Variants in L3MBTL4 observed in about 807,000 individuals in gnomAD.
L3MBTL4 encodes lethal(3)malignant brain tumor-like protein 4.
L3MBTL4 carries 70 observed loss-of-function variants against 84.5 expected under a neutral mutation model. The observed-to-expected ratio is 0.83, with a 90% CI of 0.68 to 1.01. The LOEUF is 1.01. L3MBTL4 is among the 50% of genes least tolerant of loss of function. The pLI is 0.00. For missense variants in L3MBTL4, 715 were observed against 754.8 expected (o/e 0.95, Z 0.62); for synonymous variants, 274 against 259.8 (o/e 1.05, Z -0.52).
chr18:5,971,223 G>A (rs1275682038), intron 16 of L3MBTL4, among the ~76,000 whole-genome samples: 1 of 152,162 alleles, frequency 6.6e-6, no homozygotes, highest in Non-Finnish European at 1.5e-5. Context: ...GCTGGACAAG[G>A]GGCATGTACA....
At chr18:6,301,860 T>C (rs2050353132) in intron 4 of L3MBTL4, 43 bp downstream of exon 4, 1 of 1,421,802 alleles carries the variant, frequency 7.0e-7, no homozygotes. Context: ...CACTTAAAAT[T>C]TGTTCACTGT....
chr18:6,192,714 C>A (rs140041005), intron 12 of L3MBTL4, among the ~76,000 whole-genome samples: 1 of 152,090 alleles, frequency 6.6e-6, no homozygotes. Context: ...GGTAACACTA[C>A]GTTTTGCAGT....
At chr18:6,081,889 T>A (rs2058089188) in intron 15 of L3MBTL4, among the ~76,000 whole-genome samples, 1 of 152,226 alleles carries the variant, frequency 6.6e-6, no homozygotes, top group African/African-American at 2.4e-5. Flanking sequence ...TCATCAAGAC[T>A]TTTTATCAAA....
intron 1 of L3MBTL4, among the ~76,000 whole-genome samples, chr18:6,384,219 AT>A (rs1262122712): frequency 6.6e-6 from 1 of 152,082 alleles, no homozygotes; most frequent in East Asian, 1.9e-4. Flanking sequence ...CCTCATCAAA[AT>A]TCTCTTCTTG....
At chr18:6,078,498 G>T (rs1225468547) in intron 16 of L3MBTL4, among the ~76,000 whole-genome samples, 1 of 147,038 alleles carries the variant, frequency 6.8e-6, no homozygotes, top group South Asian at 2.2e-4. Flanking sequence ...ATTATGATCA[G>T]ATTTGCAGGC....
intron 1 of L3MBTL4, among the ~76,000 whole-genome samples, chr18:6,364,593 C>A (rs1374233226): frequency 2.6e-5 from 4 of 152,022 alleles, no homozygotes; most frequent in African/African-American, 9.7e-5. Context: ...CACATTTTTT[C>A]ATCATTAAAT....
At chr18:5,982,248 T>G (rs2053265928) in intron 16 of L3MBTL4, among the ~76,000 whole-genome samples, 1 of 152,126 alleles carries the variant, frequency 6.6e-6, no homozygotes, top group South Asian at 2.1e-4. Flanking sequence ...CCCACTCCCC[T>G]GCACTTTGGC....
At chr18:6,375,144 G>A (rs957492286) in intron 1 of L3MBTL4, among the ~76,000 whole-genome samples, 1 of 151,886 alleles carries the variant, frequency 6.6e-6, no homozygotes, top group African/African-American at 2.4e-5. Context: ...TTCCACTGGC[G>A]GCCACCTAGA....
intron 1 of L3MBTL4, among the ~76,000 whole-genome samples, chr18:6,336,096 C>A (rs2052322263): frequency 6.6e-6 from 1 of 152,158 alleles, no homozygotes; most frequent in Admixed American, 6.5e-5. Flanking sequence ...AATAAACATT[C>A]TTTGAGGGTA....
chr18:6,359,334 A>C (rs1387234482), intron 1 of L3MBTL4, among the ~76,000 whole-genome samples: 1 of 152,090 alleles, frequency 6.6e-6, no homozygotes, highest in South Asian at 2.1e-4. Context: ...AATCCCAGCT[A>C]TTTGGGAGGC....
intron 12 of L3MBTL4, among the ~76,000 whole-genome samples, chr18:6,199,100 G>A (rs1308188150): frequency 6.6e-6 from 1 of 152,172 alleles, no homozygotes; most frequent in Non-Finnish European, 1.5e-5. Context: ...TAAAGAGACA[G>A]CAAATAGTTG....
Position 5,956,055 on chromosome 18 carries a change from C to T in L3MBTL4, c.*165G>A, listed in dbSNP as rs141917505. 2.1e-4 allele frequency: 137 copies of T among 645,638 alleles called. No homozygotes were observed. The East Asian group carries it at 3.3e-3, about 16-fold the overall frequency. 40.0% of individuals were successfully genotyped at this position (645,638 alleles called of 1,614,324 possible). ...AGCCTCTGAGTCATTGGCACTGGACCAGTCATCAAAATCCTCTAAACATGT... is the reference window on the plus strand; with the variant it reads ...AGCCTCTGAGTCATTGGCACTGGACTAGTCATCAAAATCCTCTAAACATGT... On this transcript the variant is annotated 3_prime_UTR_variant, in exon 19 of 19. Transcript: ENST00000317931.
chr18:6,062,693 C>A (rs940370792), intron 16 of L3MBTL4, among the ~76,000 whole-genome samples: 2 of 151,648 alleles, frequency 1.3e-5, no homozygotes, highest in African/African-American at 4.8e-5. Context: ...TTTCTCTTTG[C>A]TTTTTAGATT....
chr18:6,000,929 T>C (rs1201989886), intron 16 of L3MBTL4, among the ~76,000 whole-genome samples: 1 of 152,238 alleles, frequency 6.6e-6, no homozygotes, highest in African/African-American at 2.4e-5. Flanking sequence ...ATCTGACTGA[T>C]AGAACTATTT....
intron 1 of L3MBTL4, among the ~76,000 whole-genome samples, chr18:6,388,492 C>T (rs116078561): frequency 0.01 from 1,576 of 152,188 alleles, 34 homozygotes; most frequent in African/African-American, 0.036. Context: ...CTGAATTTGT[C>T]CCAGCTGAGT....
intron 4 of L3MBTL4, among the ~76,000 whole-genome samples, chr18:6,272,334 A>C (rs140812278): frequency 0.011 from 1,678 of 152,300 alleles, 16 homozygotes; most frequent in Middle Eastern, 0.034. Context: ...CACCTCCTTC[A>C]TGAGGTAGGA....
intron 10 of L3MBTL4, among the ~76,000 whole-genome samples, chr18:6,234,544 C>T (rs948380853): frequency 6.6e-6 from 1 of 152,122 alleles, no homozygotes; most frequent in Non-Finnish European, 1.5e-5. Flanking sequence ...GATATTTATG[C>T]AGCCAATGGA....
intron 13 of L3MBTL4, among the ~76,000 whole-genome samples, chr18:6,168,344 A>G (rs1598987605): frequency 6.6e-6 from 1 of 152,130 alleles, no homozygotes; most frequent in East Asian, 1.9e-4. Context: ...GTTCATATGG[A>G]ACCAAAAAAG....
intron 1 of L3MBTL4, among the ~76,000 whole-genome samples, chr18:6,321,434 T>C (rs565373702): frequency 1.3e-5 from 2 of 151,990 alleles, no homozygotes; most frequent in Non-Finnish European, 2.9e-5. Flanking sequence ...GTGGATGTGG[T>C]GGAAAGAGGA....
Sources: gnomAD v4.1 joint callset for allele counts (sites outside exome capture counted in the v4.1 genomes callset) on GRCh38, gnomAD v4.1.1 for gene constraint, MANE v1.5 for transcripts, NCBI Gene and HGNC (gene_info 2026-07-23, HGNC 2026-07-21) for gene names.